The following OSMR variants were observed in gnomAD, a reference collection of about 807,000 sequenced individuals.
OSMR encodes the protein oncostatin M receptor, also known as oncostatin-M-specific receptor subunit beta.
Under a neutral mutation model 99.9 loss-of-function variants are expected in OSMR, and 81 were observed. The ratio of observed to expected loss-of-function variants is 0.81; its 90% confidence interval spans 0.68 to 0.97. The LOEUF is 0.97. Among genes scored for constraint, OSMR ranks in the 50% least tolerant of loss-of-function variants. The pLI is 0.00. For missense variants in OSMR, 1,099 were observed against 1,153.4 expected (o/e 0.95, Z 0.68); for synonymous variants, 406 against 410.4 (o/e 0.99, Z 0.13).
At position 38,923,331 on chromosome 5, in the gene OSMR, G is replaced by A. The variant is rs1746322560; in HGVS notation, c.1870+77G>A. 24 of 960,142 alleles carry A rather than the reference G, an allele frequency of 2.5e-5. No homozygotes were observed. The South Asian group carries it at 3.0e-4, about 12-fold the overall frequency. 59.5% of individuals were successfully genotyped at this position (960,142 alleles called of 1,614,324 possible). A position where few individuals can be genotyped will look rare whatever the true frequency, so the allele number is the denominator to read the frequency against. ...TCATAGATTCCTAGCTTTGGGTTTA[G>A]GAAGCTGTCAGCACCATACCCAACT... On this transcript the variant is annotated intron_variant, in intron 13 of 17. Transcript: ENST00000274276.
At chr5:38,884,257 C>T (rs1022152342) in intron 5 of OSMR, 146 bp downstream of exon 5, 3 of 757,806 alleles carry the variant, frequency 4.0e-6, no homozygotes, top group African/African-American at 1.7e-5. Flanking sequence ...GCTCTGAAGT[C>T]GATGTCCTTT....
At chr5:38,910,063 A>G (rs1745477665) in intron 9 of OSMR, among the ~76,000 whole-genome samples, 1 of 152,266 alleles carries the variant, frequency 6.6e-6, no homozygotes, top group Non-Finnish European at 1.5e-5. Context: ...AGAAAAAAGC[A>G]GGGATTGGTA....
intron 7 of OSMR, among the ~76,000 whole-genome samples, chr5:38,903,351 C>T (rs916557906): frequency 3.3e-5 from 5 of 152,202 alleles, no homozygotes; most frequent in African/African-American, 1.2e-4. Flanking sequence ...TGAGAGACCT[C>T]AGAAGCATCC....
chr5:38,862,429 C>CA (rs1741503013), intron 1 of OSMR, among the ~76,000 whole-genome samples: 1 of 147,836 alleles, frequency 6.8e-6, no homozygotes, highest in South Asian at 2.2e-4. Flanking sequence ...CTGACCCCCC[C>CA]ACCTCCCTCC....
At chr5:38,862,605 T>A (rs973498507) in intron 1 of OSMR, among the ~76,000 whole-genome samples, 1 of 135,002 alleles carries the variant, frequency 7.4e-6, no homozygotes, top group African/African-American at 2.9e-5. Context: ...CCAGACCGGG[T>A]CGCGGCCAGG....
chr5:38,902,994 C>T (rs1744992353), intron 7 of OSMR, among the ~76,000 whole-genome samples: 1 of 152,160 alleles, frequency 6.6e-6, no homozygotes, highest in African/African-American at 2.4e-5. Context: ...TGCTTCTTCC[C>T]CATAAAACAT....
At chr5:38,883,566 A>G (rs1272712920) in intron 4 of OSMR, 1 of 328,896 alleles carries the variant, frequency 3.0e-6, no homozygotes, top group Non-Finnish European at 4.3e-6. Flanking sequence ...CAATCATGCA[A>G]TTATCAGAGT....
At chr5:38,945,303 A>G, downstream of OSMR, 3 of 612,496 alleles carry the variant, frequency 4.9e-6, no homozygotes, top group South Asian at 6.2e-5. Context: ...TGTCAGACTC[A>G]GGCCCCACTG....
chr5:38,940,668 A>G (rs1747462926), intron 1 of OSMR: 1 of 232,854 alleles, frequency 4.3e-6, no homozygotes, highest in Non-Finnish European at 8.5e-6. Context: ...GTTGCTACAC[A>G]GTGCACATAA....
rs747403471 is a variant in OSMR at position 38,883,869 on chromosome 5, A to C, written c.461A>C (p.Lys154Thr). The change falls in exon 5 of 18, where the codon AAA becomes ACA. Residue 154 changes from lysine to threonine, a missense_variant. Physicochemically the swap from Lys to Thr is moderately conservative, Grantham distance 78. Transcript: ENST00000274276. ...CAGGATATATTGTTCGTTTTCCCTA[A>C]AGATAAGCTGGTGGAAGAAGGCACC... Reference protein sequence around the residue: ...TGQDILFVFPKDKLVEEGTNV... With the variant: ...TGQDILFVFPTDKLVEEGTNV... 2.6e-5 allele frequency: 42 copies of C among 1,613,612 alleles called. No homozygotes were observed. The Admixed American group carries it at 7.0e-4, about 27-fold the overall frequency.
In OSMR at chr5:38,921,946, C is replaced by A. The variant is rs140061634; in HGVS notation, c.1765+152C>A. 181 of 684,954 alleles carry A rather than the reference C, an allele frequency of 2.6e-4. 1 individual carries two copies. The African/African-American group carries it at 2.8e-3, about 11-fold the overall frequency. 42.4% of individuals were successfully genotyped at this position (684,954 alleles called of 1,614,324 possible). A position where few individuals can be genotyped will look rare whatever the true frequency, so the allele number is the denominator to read the frequency against. ...ATGGGTGTTAGGAGTTCAGATGTTA[C>A]AAGAATATGTTCTAAAACTTGACCT... On this transcript the variant is annotated intron_variant, in intron 12 of 17. Coordinates refer to ENST00000274276, the MANE Select transcript of OSMR (RefSeq NM_003999.3).
chr5:38,925,273 A>T lies in OSMR; in HGVS notation c.2114A>T (p.Lys705Met), dbSNP rs1746424269. The change falls in exon 15 of 18, where the codon AAG (lysine) becomes ATG (methionine). Residue 705 changes from lysine (K) to methionine (M), a missense_variant. Physicochemically the swap from Lys to Met is moderately conservative, Grantham distance 95. Transcript: ENST00000274276. The part of the protein sequence containing the change: ...EEKALIVDNL[K>M]PESFYEFFIT... ...AAGGCATTGATTGTGGACAACCTAA[A>T]GCCAGAATCCTTCTATGAGTTTTTC... 6.2e-7 allele frequency: 1 copy of T among 1,613,964 alleles called. No homozygotes were observed. The highest frequency in any genetic ancestry group is 8.5e-7 in the Non-Finnish European group (1 of 1,179,940).
At position 38,857,356 on chromosome 5, in the gene OSMR, G is replaced by A. The variant is rs1282058183; in HGVS notation, c.-14+10969G>A. ...GATATACTAAGCCCACAGAATATAA[G>A]GGATATTTTAAATTTCAAAGTGAGT... On this transcript the variant is annotated intron_variant, in intron 1 of 17. Coordinates refer to ENST00000274276, the MANE Select transcript of OSMR (RefSeq NM_003999.3). 2.0e-5 allele frequency among the ~76,000 whole-genome samples: 3 copies of A among 152,106 alleles called. No homozygotes were observed. The East Asian group carries it at 5.8e-4, about 29-fold the overall frequency.
At chr5:38,873,113 C>T (rs1742522446) in intron 2 of OSMR, among the ~76,000 whole-genome samples, 1 of 152,238 alleles carries the variant, frequency 6.6e-6, no homozygotes, top group African/African-American at 2.4e-5. Flanking sequence ...TCTCTCTCAG[C>T]CCCTGGCAGC....
chr5:38,921,748 G>T lies in OSMR; in HGVS notation c.1719G>T (p.Gln573His). 6.2e-7 allele frequency: 1 copy of T among 1,614,164 alleles called. No homozygotes were observed. Among genetic ancestry groups the T allele is most frequent in the Non-Finnish European group, 8.5e-7 (1 of 1,180,026 alleles). The change falls in exon 12 of 18, where the codon CAG becomes CAT. Residue 573 changes from glutamine (Q) to histidine (H), a missense_variant. Transcript: ENST00000274276. ...CCCAGGATGTGCTCGGTGATTTCCA[G>T]TGGAAGAATGTAGGTCCCAATACCA... ...DHTQDVLGDF[Q>H]WKNVGPNTTS... is the part of the protein sequence containing the mutation.
At chr5:38,855,327 G>A (rs1740756409) in intron 1 of OSMR, among the ~76,000 whole-genome samples, 1 of 152,172 alleles carries the variant, frequency 6.6e-6, no homozygotes, top group South Asian at 2.1e-4. Flanking sequence ...ATGCCTGAAT[G>A]TATATGCCTA....
chr5:38,885,238 C>T (rs540139060), intron 5 of OSMR, 111 bp from the exon 6 acceptor site: 1 of 1,560,222 alleles, frequency 6.4e-7, no homozygotes, highest in African/African-American at 1.4e-5. Context: ...CTCAGTGACC[C>T]CTTCCTTGTT....
chr5:38,929,069 C>CT lies in OSMR; in HGVS notation c.2213-2807dup, dbSNP rs547377103. On this transcript the variant is annotated intron_variant, in intron 15 of 17. Coordinates refer to ENST00000274276, the MANE Select transcript of OSMR (RefSeq NM_003999.3). The stretch of plus-strand genomic sequence containing the variant: ...TATTTGCAACTTTCCTGAGATTTTA[C>CT]TTTTTTTAAAAAAAATAGGTATACT... Among the ~76,000 whole-genome samples, 280 of 152,034 alleles carry CT rather than the reference C, an allele frequency of 1.8e-3. 1 individual carries two copies. In the Middle Eastern group the frequency reaches 0.041, roughly 22 times the overall value.
intron 15 of OSMR, 56 bp downstream of exon 15, chr5:38,925,427 T>C (rs1579805500): frequency 6.9e-7 from 1 of 1,459,154 alleles, no homozygotes; most frequent in Non-Finnish European, 9.6e-7. Flanking sequence ...AACTAACAAA[T>C]TACAGAAGTG....
Sources: gnomAD v4.1 joint callset for allele counts (sites outside exome capture counted in the v4.1 genomes callset) on GRCh38, gnomAD v4.1.1 for gene constraint, MANE v1.5 for transcripts, NCBI Gene and HGNC (gene_info 2026-07-23, HGNC 2026-07-21) for gene names.